The following CPNE4 variants were observed in gnomAD, a reference collection of about 807,000 sequenced individuals.
CPNE4 encodes copine 4, also known as copine-4.
In CPNE4, 25 loss-of-function variants were observed where a neutral mutation model predicts 67.9. The ratio of observed to expected loss-of-function variants is 0.37; its 90% CI spans 0.27 to 0.51. The LOEUF (loss-of-function observed/expected upper bound fraction) is 0.51. Among genes scored for constraint, CPNE4 ranks in the 20% least tolerant of loss-of-function variants. CPNE4 has a pLI of 0.93. For synonymous variants in CPNE4, 242 were observed against 244.9 expected, an observed-to-expected ratio of 0.99 and a Z score of 0.11; for missense variants, 464 against 690.8, an observed-to-expected ratio of 0.67 and a Z score of 3.68.
chr3:131,602,116 G>T (rs966829679), intron 7 of CPNE4, among the ~76,000 whole-genome samples: 4 of 152,180 alleles, frequency 2.6e-5, no homozygotes, highest in African/African-American at 9.7e-5. Flanking sequence ...TGGGTTACAA[G>T]AATCTGCCTT....
At chr3:131,570,925 C>G (rs1027909079) in intron 10 of CPNE4, among the ~76,000 whole-genome samples, 1 of 152,018 alleles carries the variant, frequency 6.6e-6, no homozygotes, top group African/African-American at 2.4e-5. Flanking sequence ...AAAATCTCTT[C>G]TCTTTTAATC....
intron 2 of CPNE4, among the ~76,000 whole-genome samples, chr3:131,863,887 G>A (rs369681325): frequency 1.1e-4 from 16 of 152,186 alleles, no homozygotes; most frequent in African/African-American, 3.6e-4. Flanking sequence ...TTTGTATAAG[G>A]TGTAAGGAAG....
chr3:131,974,557 G>A (rs181298243), intron 1 of CPNE4, among the ~76,000 whole-genome samples: 91 of 152,264 alleles, frequency 6.0e-4, no homozygotes, highest in Middle Eastern at 3.4e-3. Flanking sequence ...CCTGTAATGA[G>A]AAAAGGGCCA....
intron 1 of CPNE4, among the ~76,000 whole-genome samples, chr3:132,003,835 A>G (rs2073518650): frequency 6.6e-6 from 1 of 152,134 alleles, no homozygotes; most frequent in Non-Finnish European, 1.5e-5. Flanking sequence ...GATTAAAAAG[A>G]CAAGGCTGCT....
At chr3:131,814,777 T>C (rs2107950911) in intron 2 of CPNE4, among the ~76,000 whole-genome samples, 1 of 145,396 alleles carries the variant, frequency 6.9e-6, no homozygotes, top group South Asian at 2.1e-4. Flanking sequence ...GCTAATTTTT[T>C]GTATTTTTAG....
At chr3:131,953,448 A>T (rs1321206533) in intron 1 of CPNE4, among the ~76,000 whole-genome samples, 1 of 152,112 alleles carries the variant, frequency 6.6e-6, no homozygotes, top group East Asian at 1.9e-4. Flanking sequence ...AATTATGTCA[A>T]ATGCTTTTCT....
At chr3:131,809,511 C>T (rs2084444485) in intron 2 of CPNE4, among the ~76,000 whole-genome samples, 1 of 149,548 alleles carries the variant, frequency 6.7e-6, no homozygotes, top group Admixed American at 6.7e-5. Context: ...AATACCCCTT[C>T]CCGCTTTATA....
intron 2 of CPNE4, among the ~76,000 whole-genome samples, chr3:131,743,995 AT>A (rs1348983042): frequency 2.0e-5 from 3 of 149,354 alleles, no homozygotes; most frequent in Non-Finnish European, 4.5e-5. Flanking sequence ...CAATAAAAGC[AT>A]TATAATGAAA....
intron 2 of CPNE4, among the ~76,000 whole-genome samples, chr3:131,887,226 G>A (rs2087929857): frequency 6.6e-6 from 1 of 152,146 alleles, no homozygotes; most frequent in Non-Finnish European, 1.5e-5. Flanking sequence ...GTTTTATCTA[G>A]GGTTTCTGCT....
intron 2 of CPNE4, among the ~76,000 whole-genome samples, chr3:131,802,256 A>C (rs1175706261): frequency 6.6e-6 from 1 of 152,144 alleles, no homozygotes; most frequent in Non-Finnish European, 1.5e-5. Flanking sequence ...CTCTTATGTC[A>C]CTGTTCTGCG....
At chr3:131,648,359 C>CA in intron 7 of CPNE4, among the ~76,000 whole-genome samples, 1 of 152,298 alleles carries the variant, frequency 6.6e-6, no homozygotes, top group Middle Eastern at 3.4e-3. Flanking sequence ...GGCAACAGAG[C>CA]AAGACCCTGT....
chr3:131,612,911 C>T (rs1194952245), intron 7 of CPNE4, among the ~76,000 whole-genome samples: 1 of 152,202 alleles, frequency 6.6e-6, no homozygotes, highest in Non-Finnish European at 1.5e-5. Context: ...ACCTGAATGT[C>T]ATTACCTTAG....
rs1418652833 is a variant in CPNE4, at chr3:131,685,716, G to A, written c.591+159C>T. Among the ~76,000 whole-genome samples, 6 of 152,016 alleles carry A rather than the reference G, an allele frequency of 3.9e-5. No individual in the cohort carries two copies. The East Asian group carries it at 7.7e-4, about 20-fold the overall frequency. ...GAATTGTTTGAAGCTGGGAGGTGGCGGTTGCAGTGAGACGAGACTGCGCCA... is the reference window on the plus strand; with the variant it reads ...GAATTGTTTGAAGCTGGGAGGTGGCAGTTGCAGTGAGACGAGACTGCGCCA... On this transcript the variant is annotated intron_variant, in intron 6 of 15. Transcript: ENST00000429747.
chr3:131,804,078 T>A (rs1055142748), intron 2 of CPNE4, among the ~76,000 whole-genome samples: 1 of 152,206 alleles, frequency 6.6e-6, no homozygotes, highest in Non-Finnish European at 1.5e-5. Flanking sequence ...CAAATCATTA[T>A]TGATTAATCC....
At chr3:131,723,414 C>T in intron 3 of CPNE4, 32 bp downstream of exon 3, 1 of 1,600,254 alleles carries the variant, frequency 6.2e-7, no homozygotes, top group Non-Finnish European at 8.5e-7. Context: ...CCTAGGATGG[C>T]AAGGAGGAGG....
intron 6 of CPNE4, among the ~76,000 whole-genome samples, chr3:131,673,841 A>G (rs2080489679): frequency 6.6e-6 from 1 of 152,010 alleles, no homozygotes; most frequent in Non-Finnish European, 1.5e-5. Context: ...TAGGACTTCC[A>G]TTTCCATGTT....
chr3:131,730,466 T>C (rs1400521247), intron 2 of CPNE4, among the ~76,000 whole-genome samples: 1 of 152,238 alleles, frequency 6.6e-6, no homozygotes, highest in African/African-American at 2.4e-5. Context: ...TATTATACTA[T>C]GTCATTTGTT....
intron 2 of CPNE4, among the ~76,000 whole-genome samples, chr3:131,747,970 T>C (rs938159997): frequency 3.9e-5 from 6 of 152,084 alleles, no homozygotes; most frequent in Non-Finnish European, 8.8e-5. Context: ...TTAAGTATAA[T>C]ATTAGTTGTA....
chr3:131,566,504 G>A (rs1346836029), intron 10 of CPNE4, among the ~76,000 whole-genome samples: 1 of 151,686 alleles, frequency 6.6e-6, no homozygotes, highest in African/African-American at 2.4e-5. Flanking sequence ...TGGTGGGAGA[G>A]AGGAACCTAC....
Sources: allele counts gnomAD v4.1 joint callset (sites outside exome capture counted in the v4.1 genomes callset), GRCh38; gene constraint gnomAD v4.1.1; transcripts MANE v1.5; gene names NCBI Gene and HGNC (gene_info 2026-07-23, HGNC 2026-07-21).